Variants in PDGFD observed in about 807,000 individuals in gnomAD.
PDGFD encodes the protein platelet derived growth factor D.
Under a neutral mutation model 44.7 loss-of-function variants are expected in PDGFD, and 30 were observed. The ratio of observed to expected loss-of-function variants is 0.67; its 90% CI spans 0.50 to 0.91. PDGFD has a LOEUF of 0.91. Among genes scored for constraint, PDGFD ranks in the 40% least tolerant of loss-of-function variants. The pLI, the probability that PDGFD is intolerant of heterozygous loss-of-function variation, is 0.00. For missense variants in PDGFD, 445 were observed against 457.8 expected (o/e 0.97, Z 0.25); for synonymous variants, 173 against 168.4 (o/e 1.03, Z -0.21).
intron 5 of PDGFD, among the ~76,000 whole-genome samples, chr11:103,937,618 AT>A (rs1858512208): frequency 6.6e-6 from 1 of 151,810 alleles, no homozygotes; most frequent in Non-Finnish European, 1.5e-5. Context: ...TTTGTTACAT[AT>A]GTATACATGT....
intron 6 of PDGFD, among the ~76,000 whole-genome samples, chr11:103,915,314 G>C (rs1364426840): frequency 6.6e-6 from 1 of 152,128 alleles, no homozygotes; most frequent in East Asian, 1.9e-4. Flanking sequence ...TAGACAAACA[G>C]AGAGCCAAAT....
At chr11:104,072,707 G>A (rs1441943450) in intron 1 of PDGFD, among the ~76,000 whole-genome samples, 1 of 151,864 alleles carries the variant, frequency 6.6e-6, no homozygotes, top group Non-Finnish European at 1.5e-5. Context: ...TTTTACTAAT[G>A]TAGTGTACAT....
chr11:104,013,477 G>A (rs1859814110), intron 1 of PDGFD, among the ~76,000 whole-genome samples: 1 of 152,096 alleles, frequency 6.6e-6, no homozygotes, highest in Non-Finnish European at 1.5e-5. Context: ...ACCCAGCCTG[G>A]CACCCGCTCG....
chr11:103,937,227 T>C (rs1344915173), intron 5 of PDGFD, among the ~76,000 whole-genome samples: 1 of 152,214 alleles, frequency 6.6e-6, no homozygotes, highest in African/African-American at 2.4e-5. Context: ...AATTTAAAAC[T>C]ATTAATTTGG....
At chr11:104,158,445 T>A (rs1031460700) in intron 1 of PDGFD, among the ~76,000 whole-genome samples, 1 of 152,244 alleles carries the variant, frequency 6.6e-6, no homozygotes, top group African/African-American at 2.4e-5. Context: ...GGCAATACAT[T>A]CCAAGAGGTC....
At chr11:104,059,345 G>A (rs1023366927) in intron 1 of PDGFD, among the ~76,000 whole-genome samples, 21 of 151,928 alleles carry the variant, frequency 1.4e-4, no homozygotes, top group South Asian at 4.1e-4. Context: ...AAAATAAAAA[G>A]CCTTTTTCTT....
chr11:103,991,008 G>A (rs1449521556), intron 3 of PDGFD, among the ~76,000 whole-genome samples: 5 of 151,810 alleles, frequency 3.3e-5, no homozygotes, highest in Admixed American at 6.6e-5. Flanking sequence ...GCATGGTGGC[G>A]GGTGCCTGTA....
rs1269235089 is a variant in PDGFD, at chr11:103,969,447, T to C, written c.511-21723A>G. 3.3e-5 allele frequency among the ~76,000 whole-genome samples: 5 copies of C among 150,794 alleles called. No homozygotes were observed. In the Admixed American group the frequency reaches 3.3e-4, roughly 10 times the overall value. On this transcript the variant is annotated intron_variant, in intron 3 of 6. Coordinates refer to ENST00000393158, the MANE Select transcript of PDGFD (RefSeq NM_025208.5). Reference sequence around the variant, plus strand: ...TACTTCCTTGGCAGAAAGAGAGAAGTTACTATTTAGTTTTACACCAAGCCT... The same window carrying C: ...TACTTCCTTGGCAGAAAGAGAGAAGCTACTATTTAGTTTTACACCAAGCCT...
Position 104,027,386 on chromosome 11 carries a change from T to C in PDGFD, c.125-27131A>G, listed in dbSNP as rs141389923. Among the ~76,000 whole-genome samples the C allele has an allele frequency of 3.0e-3, 461 of 152,364 alleles. 3 individuals carry two copies. The highest frequency in any genetic ancestry group is 0.011 in the African/African-American group (440 of 41,596). The stretch of plus-strand genomic sequence containing the variant: ...TGTCTGACTTTTCCAGGTTATTAAT[T>C]ATTGTTTTCACTCCTACGAGGAAAA... On this transcript the variant is annotated intron_variant, in intron 1 of 6. Coordinates refer to ENST00000393158, the MANE Select transcript of PDGFD (RefSeq NM_025208.5).
At chr11:104,075,879 C>A (rs1277989968) in intron 1 of PDGFD, among the ~76,000 whole-genome samples, 1 of 152,108 alleles carries the variant, frequency 6.6e-6, no homozygotes, top group Non-Finnish European at 1.5e-5. Context: ...GCAAAGGCCT[C>A]TTAATGGAAC....
intron 1 of PDGFD, among the ~76,000 whole-genome samples, chr11:104,087,334 G>C (rs989300736): frequency 4.0e-5 from 6 of 151,588 alleles, no homozygotes; most frequent in Non-Finnish European, 8.8e-5. Flanking sequence ...TCAGCCTTCC[G>C]AGTAGCTGGG....
chr11:103,967,577 C>A (rs1331846849), intron 3 of PDGFD, among the ~76,000 whole-genome samples: 1 of 152,150 alleles, frequency 6.6e-6, no homozygotes, highest in Non-Finnish European at 1.5e-5. Flanking sequence ...ATCTTAGAGG[C>A]CCCCAAATTC....
At chr11:103,995,069 T>C (rs926485487) in intron 3 of PDGFD, among the ~76,000 whole-genome samples, 2 of 152,028 alleles carry the variant, frequency 1.3e-5, no homozygotes, top group African/African-American at 4.8e-5. Context: ...TTTGTAGAGA[T>C]AGGGTCTTGC....
At chr11:103,939,574 G>C (rs1216314076) in intron 5 of PDGFD, among the ~76,000 whole-genome samples, 1 of 151,874 alleles carries the variant, frequency 6.6e-6, no homozygotes, top group Non-Finnish European at 1.5e-5. Context: ...TTGCCCTGGA[G>C]GCATATGTTT....
At chr11:104,054,031 C>G (rs1199167504) in intron 1 of PDGFD, among the ~76,000 whole-genome samples, 1 of 152,184 alleles carries the variant, frequency 6.6e-6, no homozygotes, top group African/African-American at 2.4e-5. Flanking sequence ...GATAAACTTG[C>G]TGGAAGCCCA....
intron 3 of PDGFD, among the ~76,000 whole-genome samples, chr11:103,992,261 C>G (rs747984300): frequency 1.7e-4 from 26 of 152,056 alleles, no homozygotes; most frequent in Non-Finnish European, 5.9e-5. Flanking sequence ...AACAAACACA[C>G]GGTCTAGCCA....
Position 103,915,271 on chromosome 11 carries a change from G to A in PDGFD, c.988-5452C>T, listed in dbSNP as rs146135145. Among the ~76,000 whole-genome samples the A allele has an allele frequency of 6.2e-3, 944 of 152,302 alleles. 13 individuals carry two copies. Among genetic ancestry groups the A allele is most frequent in the African/African-American group, 0.022 (907 of 41,568 alleles). On this transcript the variant is annotated intron_variant, in intron 6 of 6. Coordinates refer to ENST00000393158, the MANE Select transcript of PDGFD (RefSeq NM_025208.5). ...AAGTCTCAGGACACAAAATCAATGT[G>A]CAAAAATCACAAGCATTCTTATACG...
At chr11:103,931,855 A>G (rs1260519444) in intron 5 of PDGFD, among the ~76,000 whole-genome samples, 1 of 152,196 alleles carries the variant, frequency 6.6e-6, no homozygotes, top group Non-Finnish European at 1.5e-5. Context: ...GTTCTTTATA[A>G]ACTCTTAGCA....
chr11:104,144,879 T>C, intron 1 of PDGFD, among the ~76,000 whole-genome samples: 1 of 152,178 alleles, frequency 6.6e-6, no homozygotes, highest in East Asian at 1.9e-4. Flanking sequence ...CTTCCAGAGC[T>C]AAAATTTAGT....
Sources: gnomAD v4.1 joint callset for allele counts (sites outside exome capture counted in the v4.1 genomes callset) on GRCh38, gnomAD v4.1.1 for gene constraint, MANE v1.5 for transcripts, NCBI Gene and HGNC (gene_info 2026-07-23, HGNC 2026-07-21) for gene names.